Variants in APLF observed in about 807,000 individuals in gnomAD.
APLF encodes aprataxin and PNK-like factor.
In APLF, 61 loss-of-function variants were observed where a neutral mutation model predicts 55.6. The observed-to-expected ratio is 1.10, with a 90% CI of 0.89 to 1.36. The LOEUF is 1.36. Among genes scored for constraint, APLF ranks in the 40% most tolerant of loss-of-function variants. APLF has a pLI of 0.00. For missense variants in APLF, 611 were observed against 602.5 expected (o/e 1.01, Z -0.15); for synonymous variants, 207 against 214.8 (o/e 0.96, Z 0.32).
At chr2:68,485,586 T>C (rs113691804) in intron 1 of APLF, among the ~76,000 whole-genome samples, 3,876 of 152,210 alleles carry the variant, frequency 0.025, 67 homozygotes, top group South Asian at 0.042. Flanking sequence ...ACAGACCTTT[T>C]TCTTGTTGGG....
intron 1 of APLF, among the ~76,000 whole-genome samples, chr2:68,472,449 T>G (rs994053175): frequency 2.6e-5 from 4 of 152,118 alleles, no homozygotes; most frequent in African/African-American, 7.2e-5. Context: ...ACTCATCTGA[T>G]GAGAATTTAT....
intron 8 of APLF, among the ~76,000 whole-genome samples, chr2:68,555,578 A>G (rs1670982464): frequency 6.6e-6 from 1 of 152,202 alleles, no homozygotes; most frequent in African/African-American, 2.4e-5. Context: ...ATCACTAGTG[A>G]TCAGGGAAAT....
At chr2:68,509,828 T>A (rs1247105998) in intron 3 of APLF, among the ~76,000 whole-genome samples, 7 of 151,880 alleles carry the variant, frequency 4.6e-5, no homozygotes, top group Non-Finnish European at 8.8e-5. Context: ...CAAATGTCCA[T>A]CAATGATAGA....
chr2:68,576,094 T>C (rs969300297), intron 9 of APLF, among the ~76,000 whole-genome samples: 3 of 152,180 alleles, frequency 2.0e-5, no homozygotes, highest in African/African-American at 7.2e-5. Flanking sequence ...GTTTTTCTTG[T>C]AAAGCTGGTA....
intron 3 of APLF, among the ~76,000 whole-genome samples, chr2:68,509,286 C>T (rs1469675447): frequency 2.0e-5 from 3 of 152,034 alleles, no homozygotes; most frequent in Admixed American, 2.0e-4. Flanking sequence ...GAACAGGCAA[C>T]CTACAGAATG....
chr2:68,513,033 G>T (rs1669447053), intron 3 of APLF, 47 bp from the exon 4 acceptor site: 1 of 1,528,092 alleles, frequency 6.5e-7, no homozygotes, highest in Non-Finnish European at 8.9e-7. Flanking sequence ...GGCAGCAGAA[G>T]TGTGTTAAAT....
intron 5 of APLF, among the ~76,000 whole-genome samples, chr2:68,525,298 TAA>T (rs1214165262): frequency 7.0e-6 from 1 of 143,318 alleles, no homozygotes; most frequent in Non-Finnish European, 1.5e-5. Flanking sequence ...TCTGTCTCAT[TAA>T]AAAAAAAAAA....
chr2:68,499,991 A>T (rs1265053201), intron 2 of APLF, among the ~76,000 whole-genome samples: 1 of 152,050 alleles, frequency 6.6e-6, no homozygotes, highest in Non-Finnish European at 1.5e-5. Flanking sequence ...GTATTCTGTT[A>T]TTTTTCAAAA....
At chr2:68,556,282 T>C (rs568802794) in intron 8 of APLF, among the ~76,000 whole-genome samples, 1 of 152,102 alleles carries the variant, frequency 6.6e-6, no homozygotes, top group East Asian at 1.9e-4. Flanking sequence ...TGCACCAAAA[T>C]CTCACAAGTC....
chr2:68,546,268 T>C (rs1314652497), intron 8 of APLF, among the ~76,000 whole-genome samples: 1 of 152,056 alleles, frequency 6.6e-6, no homozygotes, highest in East Asian at 1.9e-4. Context: ...AGAAATTGAA[T>C]ATATAATTTA....
At chr2:68,518,002 T>A (rs1669687923) in intron 5 of APLF, among the ~76,000 whole-genome samples, 1 of 140,562 alleles carries the variant, frequency 7.1e-6, no homozygotes. Flanking sequence ...TGTGTTAATA[T>A]ATAACAGTAA....
rs1670167143 is a variant in APLF at position 68,529,084 on chromosome 2, TCTGAG to T, written c.804+2843_804+2847del. The T allele has an allele frequency of 5.0e-6, 7 of 1,412,858 alleles. No homozygotes were observed. Among genetic ancestry groups the T allele is most frequent in the Non-Finnish European group, 5.8e-6 (6 of 1,034,750 alleles). 87.5% of individuals were successfully genotyped at this position (1,412,858 alleles called of 1,614,324 possible). ...AAGGAAGTTGAAGGTTAAACTTGCC[TCTGAG>T]ACGAGGGATCCTCACGGGGCTGAGG... On this transcript the variant is annotated intron_variant, in intron 6 of 9. Transcript: ENST00000303795. The surrounding 1 kb of genome is among the most constrained non-coding windows in gnomAD (Gnocchi z 4.4).
At chr2:68,569,395 G>A (rs1558556754) in intron 9 of APLF, among the ~76,000 whole-genome samples, 2 of 152,118 alleles carry the variant, frequency 1.3e-5, no homozygotes, top group Non-Finnish European at 2.9e-5. Flanking sequence ...CTGTGTGGGA[G>A]ATTGGTATAG....
chr2:68,467,869 A>C, intron 1 of APLF, 42 bp downstream of exon 1: 1 of 1,222,358 alleles, frequency 8.2e-7, no homozygotes, highest in Admixed American at 4.2e-5. Flanking sequence ...AGAGCCGTGG[A>C]GTTCCGCGCC....
rs71395974 is a variant in APLF, at chr2:68,543,981, CTTTTTT to C, written c.1161-1193_1161-1188del. On this transcript the variant is annotated intron_variant, in intron 7 of 9. Transcript: ENST00000303795. The stretch of plus-strand genomic sequence containing the variant: ...AAATCTGTTAAGTCAATTGTATTTT[CTTTTTT>C]TTTTTTTTTTTTGAGATGGAGTCTT... Among the ~76,000 whole-genome samples, 415 of 128,956 alleles carry C rather than the reference CTTTTTT, an allele frequency of 3.2e-3. 1 individual carries two copies. The highest frequency in any genetic ancestry group is 5.6e-3 in the Non-Finnish European group (345 of 61,164). 84.6% of individuals were successfully genotyped at this position (128,956 alleles called of 152,430 possible).
chr2:68,537,914 G>A lies in APLF; in HGVS notation c.847G>A (p.Glu283Lys), dbSNP rs140636463. ...SFSAITLSNT[E>K]MNNIKTNAQR... The stretch of plus-strand genomic sequence containing the variant: ...TTCTGCAATCACATTAAGTAACACA[G>A]AGATGAATAATATTAAGACTAATGC... Residue 283 changes from glutamate to lysine, a missense_variant, in exon 7 of 10, where the codon GAG (glutamate) becomes AAG (lysine). Glu to Lys is a moderately conservative substitution (Grantham distance 56). Coordinates refer to ENST00000303795, the MANE Select transcript of APLF (RefSeq NM_173545.3). The A allele has an allele frequency of 7.5e-6, 12 of 1,606,852 alleles. No individual in the cohort carries two copies. Among genetic ancestry groups the A allele is most frequent in the Non-Finnish European group, 1.0e-5 (12 of 1,177,630 alleles).
chr2:68,555,536 A>G (rs565447517), intron 8 of APLF, among the ~76,000 whole-genome samples: 103 of 152,292 alleles, frequency 6.8e-4, no homozygotes, highest in African/African-American at 2.4e-3. Context: ...GGATATATAA[A>G]TGGCCAACAA....
At chr2:68,548,247 T>C (rs894653239) in intron 8 of APLF, among the ~76,000 whole-genome samples, 2 of 151,884 alleles carry the variant, frequency 1.3e-5, no homozygotes, top group South Asian at 2.1e-4. Context: ...ATTTAATTAT[T>C]TGACTACATT....
chr2:68,517,461 T>C (rs548153069), intron 5 of APLF, among the ~76,000 whole-genome samples: 18 of 139,018 alleles, frequency 1.3e-4, no homozygotes, highest in Non-Finnish European at 2.3e-4. Context: ...TATATATTAA[T>C]ATATCAATGT....
Sources: gnomAD v4.1 joint callset for allele counts (sites outside exome capture counted in the v4.1 genomes callset) on GRCh38, gnomAD v4.1.1 for gene constraint, Gnocchi (gnomAD v3.1) non-coding constraint, MANE v1.5 for transcripts, NCBI Gene and HGNC (gene_info 2026-07-23, HGNC 2026-07-21) for gene names.